The following C1QTNF3 variants were observed in gnomAD, a reference collection of about 807,000 sequenced individuals.
C1QTNF3 encodes the protein complement C1q tumor necrosis factor-related protein 3.
A neutral mutation model predicts 32.6 loss-of-function variants in C1QTNF3; 26 were observed. The ratio of observed to expected loss-of-function variants is 0.80; its 90% CI spans 0.58 to 1.11. C1QTNF3 has a LOEUF of 1.11. C1QTNF3 is among the 50% of genes least tolerant of loss of function. The pLI is 0.00. For missense variants in C1QTNF3, 362 were observed against 398.2 expected, an observed-to-expected ratio of 0.91 and a Z score of 0.77; for synonymous variants, 155 against 146.0, an observed-to-expected ratio of 1.06 and a Z score of -0.44.
chr5:34,223,068 T>G, the C1QTNF3 span, among the ~76,000 whole-genome samples: 2 of 151,810 alleles, frequency 1.3e-5, no homozygotes, highest in Non-Finnish European at 2.9e-5. Context: ...GTGCACAATG[T>G]GCAGGTTAGT....
intron 1 of C1QTNF3, among the ~76,000 whole-genome samples, chr5:34,039,563 T>C (rs1444990405): frequency 1.3e-5 from 2 of 152,168 alleles, no homozygotes; most frequent in Non-Finnish European, 2.9e-5. Context: ...CCCAACTCCC[T>C]GCTACCCTAC....
chr5:34,135,722 C>T, the C1QTNF3 span, among the ~76,000 whole-genome samples: 6 of 146,842 alleles, frequency 4.1e-5, no homozygotes, highest in African/African-American at 1.5e-4. Flanking sequence ...CATCATGCTA[C>T]CCAACTTTAA....
At chr5:34,178,367 GT>G in the C1QTNF3 span, among the ~76,000 whole-genome samples, 1,527 of 152,290 alleles carry the variant, frequency 0.01, 22 homozygotes, top group African/African-American at 0.034. Flanking sequence ...TACTTGACTA[GT>G]TTGCAGAAGT....
chr5:34,087,883 C>T, the C1QTNF3 span, among the ~76,000 whole-genome samples: 2 of 152,180 alleles, frequency 1.3e-5, no homozygotes, highest in Admixed American at 1.3e-4. Context: ...TGCATCTGGC[C>T]CTTTTATTTT....
chr5:34,074,459 G>A, the C1QTNF3 span, among the ~76,000 whole-genome samples: 1 of 151,560 alleles, frequency 6.6e-6, no homozygotes, highest in Non-Finnish European at 1.5e-5. Context: ...AGTGTCTGCT[G>A]TTTCCTTCCC....
At chr5:34,172,675 T>C in the C1QTNF3 span, among the ~76,000 whole-genome samples, 2 of 152,230 alleles carry the variant, frequency 1.3e-5, no homozygotes, top group Non-Finnish European at 2.9e-5. Flanking sequence ...CAGAAAATTC[T>C]TTAACGTGTT....
At chr5:34,237,335 A>G in the C1QTNF3 span, among the ~76,000 whole-genome samples, 1 of 152,318 alleles carries the variant, frequency 6.6e-6, no homozygotes, top group African/African-American at 2.4e-5. Context: ...TTTGGTCTCA[A>G]TTTACCTTTC....
the C1QTNF3 span, among the ~76,000 whole-genome samples, chr5:34,125,236 G>A: frequency 6.1e-3 from 927 of 152,018 alleles, 3 homozygotes; most frequent in Non-Finnish European, 9.6e-3. Context: ...CAAGCTCTCA[G>A]GAATATAACC....
chr5:34,126,832 T>A, the C1QTNF3 span, among the ~76,000 whole-genome samples: 2 of 152,198 alleles, frequency 1.3e-5, no homozygotes, highest in African/African-American at 4.8e-5. Context: ...TGGCCCTGTG[T>A]CCCCATGCAA....
chr5:34,122,418 ACT>A, the C1QTNF3 span, among the ~76,000 whole-genome samples: 1 of 152,138 alleles, frequency 6.6e-6, no homozygotes, highest in African/African-American at 2.4e-5. Flanking sequence ...AGAAAAGGTC[ACT>A]CTCTTAATAA....
At chr5:34,146,248 G>A in the C1QTNF3 span, among the ~76,000 whole-genome samples, 1 of 152,158 alleles carries the variant, frequency 6.6e-6, no homozygotes, top group Admixed American at 6.5e-5. Flanking sequence ...TGGATAGGAA[G>A]AATCAATATC....
At chr5:34,212,880 T>C in the C1QTNF3 span, among the ~76,000 whole-genome samples, 179 of 151,316 alleles carry the variant, frequency 1.2e-3, no homozygotes, top group African/African-American at 4.0e-3. Context: ...AGAAATACCA[T>C]TTGACCCAGC....
the C1QTNF3 span, among the ~76,000 whole-genome samples, chr5:34,103,377 C>G: frequency 6.6e-6 from 1 of 151,706 alleles, no homozygotes; most frequent in Admixed American, 6.6e-5. Flanking sequence ...TCACAGCTCA[C>G]TGCAGCCTCA....
At chr5:34,202,977 T>C in the C1QTNF3 span, among the ~76,000 whole-genome samples, 1 of 152,110 alleles carries the variant, frequency 6.6e-6, no homozygotes, top group African/African-American at 2.4e-5. Flanking sequence ...TTGATTGACA[T>C]AACTCACTGC....
At chr5:34,175,433 A>G in the C1QTNF3 span, 1,163 of 182,266 alleles carry the variant, frequency 6.4e-3, 16 homozygotes, top group African/African-American at 0.026. Context: ...AACATAAAAC[A>G]GACTGAAATA....
chr5:34,185,058 T>C, the C1QTNF3 span, among the ~76,000 whole-genome samples: 1 of 152,210 alleles, frequency 6.6e-6, no homozygotes. Flanking sequence ...ATTTAATATA[T>C]ATTGTTGGCC....
At chr5:34,146,330 T>C in the C1QTNF3 span, among the ~76,000 whole-genome samples, 1 of 152,208 alleles carries the variant, frequency 6.6e-6, no homozygotes, top group African/African-American at 2.4e-5. Context: ...CAATGTCATA[T>C]GGAACCTAAA....
intron 1 of C1QTNF3, among the ~76,000 whole-genome samples, chr5:34,037,458 T>C (rs1053582407): frequency 2.0e-5 from 3 of 152,240 alleles, no homozygotes; most frequent in Non-Finnish European, 4.4e-5. Context: ...CCTTACTTTC[T>C]TTTCTTTAAT....
chr5:34,195,658 G>A, the C1QTNF3 span, among the ~76,000 whole-genome samples: 3 of 152,318 alleles, frequency 2.0e-5, no homozygotes, highest in East Asian at 3.9e-4. Context: ...TGGCTAACAT[G>A]GTAAAACCCC....
Sources: gnomAD v4.1 joint callset for allele counts (sites outside exome capture counted in the v4.1 genomes callset) on GRCh38, gnomAD v4.1.1 for gene constraint, MANE v1.5 for transcripts, NCBI Gene and HGNC (gene_info 2026-07-23, HGNC 2026-07-21) for gene names.